The following RPL7A variants were observed in gnomAD, a reference collection of about 807,000 sequenced individuals.
RPL7A encodes the protein ribosomal protein L7a.
For synonymous variants in RPL7A, 158 were observed against 128.2 expected, an observed-to-expected ratio of 1.23 and a Z score of -1.57; for missense variants, 291 against 338.2, an observed-to-expected ratio of 0.86 and a Z score of 1.09.
At chr9:133,348,736 G>A (rs2129980402) in intron 1 of RPL7A, 186 bp from the exon 2 acceptor site, 1 of 892,870 alleles carries the variant, frequency 1.1e-6, no homozygotes. Flanking sequence ...GGGGCTGCAT[G>A]CTTGTGCGGC....
chr9:133,348,463 T>C, intron 1 of RPL7A: 1 of 659,102 alleles, frequency 1.5e-6, no homozygotes, highest in South Asian at 1.9e-5. Context: ...GAGAGCGGAA[T>C]GCGTTGTTCC....
In RPL7A at chr9:133,350,988, CT is replaced by C. The variant is rs2129997539; in HGVS notation, c.627-13del. The C allele has an allele frequency of 3.1e-5, 50 of 1,613,722 alleles. No individual in the cohort carries two copies. Among genetic ancestry groups the C allele is most frequent in the Non-Finnish European group, 4.1e-5 (48 of 1,179,840 alleles). On this transcript the variant is annotated splice_polypyrimidine_tract_variant and intron_variant, in intron 6 of 7. Transcript: ENST00000323345. ...GGCAAAAAACCCACTTTTGTTTCCC[CT>C]CCTGCCTTTTAGGGAAGACAAAGGC...
chr9:133,350,981 G>GT, intron 6 of RPL7A, 21 bp from the exon 7 acceptor site: 1 of 1,613,624 alleles, frequency 6.2e-7, no homozygotes, highest in South Asian at 1.1e-5. Context: ...ACCCACTTTT[G>GT]TTTCCCCTCC....
In RPL7A at chr9:133,351,321, G is replaced by C; in HGVS notation, c.756G>C (p.Lys252Asn). The change falls in exon 8 of 8, where the codon AAG (lysine) becomes AAC (asparagine). Residue 252 changes from lysine (K) to asparagine (N), a missense_variant. Lys to Asn is a moderately conservative substitution (Grantham distance 94). Transcript: ENST00000323345. ...CTAAGTCTGTGGCTCGTATCGCCAA[G>C]CTCGAAAAGGCAAAGGCTAAAGAAC... is the stretch of plus-strand genomic sequence containing the variant. ...LGPKSVARIAKLEKAKAKELA... is the reference protein window; with the variant it reads ...LGPKSVARIANLEKAKAKELA... The C allele has an allele frequency of 1.2e-6, 2 of 1,613,742 alleles. No individual in the cohort carries two copies. Among genetic ancestry groups the C allele is most frequent in the Non-Finnish European group, 1.7e-6 (2 of 1,179,888 alleles).
chr9:133,349,985 C>G lies in RPL7A; in HGVS notation c.348C>G (p.Ala116=). 1 of 1,612,448 alleles carries G rather than the reference C, an allele frequency of 6.2e-7. No individual in the cohort carries two copies. Among genetic ancestry groups the G allele is most frequent in the Non-Finnish European group, 8.5e-7 (1 of 1,180,026 alleles). Residue 116 remains alanine (A), a synonymous_variant, in exon 4 of 8, where the codon GCC becomes GCG. Transcript: ENST00000323345. ...AAGAGAAGAAGCAGAGACTGTTGGC[C>G]CGGGCCGAGAAGAAGGCTGCTGGCA... The part of the protein sequence containing the change: ...TKQEKKQRLL[A]RAEKKAAGKG...
In RPL7A at chr9:133,349,002, G is replaced by T; in HGVS notation, c.84G>T (p.Val28=). The T allele has an allele frequency of 1.2e-6, 2 of 1,614,036 alleles. No individual in the cohort carries two copies. Among genetic ancestry groups the T allele is most frequent in the Non-Finnish European group, 1.7e-6 (2 of 1,180,004 alleles). The change falls in exon 2 of 8, where the codon GTG becomes GTT. Residue 28 remains valine, a synonymous_variant. Coordinates refer to ENST00000323345, the MANE Select transcript of RPL7A (RefSeq NM_000972.3). ...AGAAGCAGGAGGCTAAGAAAGTGGT[G>T]AATCCCCTGTTTGAGAAAAGGCCTA... ...VVKKQEAKKV[V]NPLFEKRPKN...
In RPL7A at chr9:133,350,579, G is replaced by C. The variant is rs2129994849; in HGVS notation, c.496-18G>C. ...GCTTTTGGTCAAAATACAGTCTTCA[G>C]CTAATGCTTTCTTCCAGCTGGTTGT... On this transcript the variant is annotated intron_variant, in intron 5 of 7. Transcript: ENST00000323345. The C allele has an allele frequency of 4.6e-5, 74 of 1,614,052 alleles. 1 individual carries two copies. In the Admixed American group the frequency reaches 8.2e-4, roughly 18 times the overall value.
At chr9:133,350,443 A>G (rs1836360188) in intron 5 of RPL7A, 124 bp downstream of exon 5, 1 of 1,489,466 alleles carries the variant, frequency 6.7e-7, no homozygotes, top group South Asian at 1.1e-5. Flanking sequence ...CAGATCCAAC[A>G]CATGCGTGGC....
At position 133,349,589 on chromosome 9, in the gene RPL7A, G is replaced by C. The variant is rs1183248398; in HGVS notation, c.163G>C (p.Val55Leu). 4 of 1,613,950 alleles carry C rather than the reference G, an allele frequency of 2.5e-6. No homozygotes were observed. The highest frequency in any genetic ancestry group is 3.4e-6 in the Non-Finnish European group (4 of 1,179,992). The change falls in exon 3 of 8, where the codon GTG (valine) becomes CTG (leucine). Residue 55 changes from valine to leucine, a missense_variant. Val to Leu is a conservative substitution (Grantham distance 32, BLOSUM62 1). Coordinates refer to ENST00000323345, the MANE Select transcript of RPL7A (RefSeq NM_000972.3). ...GCCCAAAAGAGACCTCACCCGCTTTGTGAAATGGCCCCGCTATATCAGGTT... is the reference window on the plus strand; with the variant it reads ...GCCCAAAAGAGACCTCACCCGCTTTCTGAAATGGCCCCGCTATATCAGGTT... ...IQPKRDLTRF[V>L]KWPRYIRLQR...
At chr9:133,349,150 G>A in intron 2 of RPL7A, 108 bp downstream of exon 2, 1 of 1,339,818 alleles carries the variant, frequency 7.5e-7, no homozygotes, top group Non-Finnish European at 1.0e-6. Flanking sequence ...AGTGGTCGCA[G>A]TCCTTAATTT....
chr9:133,351,150 A>C, intron 7 of RPL7A, 79 bp downstream of exon 7: 1 of 1,552,170 alleles, frequency 6.4e-7, no homozygotes, highest in East Asian at 2.3e-5. Context: ...ACCTATGAGA[A>C]GTTCTATCTG....
chr9:133,350,424 G>A, intron 5 of RPL7A, 105 bp downstream of exon 5: 1 of 1,495,740 alleles, frequency 6.7e-7, no homozygotes, highest in Non-Finnish European at 9.3e-7. Flanking sequence ...GGTGAGGGCA[G>A]TACTGACACA....
Position 133,349,057 on chromosome 9 carries a change from G to A in RPL7A, c.124+15G>A. ...TTTTGGCATTGGTAAGTAACAAACGGCAGAATGAAAACGGTCTATGTTTTT... is the reference window on the plus strand; with the variant it reads ...TTTTGGCATTGGTAAGTAACAAACGACAGAATGAAAACGGTCTATGTTTTT... On this transcript the variant is annotated intron_variant, in intron 2 of 7. Coordinates refer to ENST00000323345, the MANE Select transcript of RPL7A (RefSeq NM_000972.3). 1 of 1,612,862 alleles carries A rather than the reference G, an allele frequency of 6.2e-7. No individual in the cohort carries two copies. The highest frequency in any genetic ancestry group is 2.2e-5 in the East Asian group (1 of 44,874).
Position 133,348,943 on chromosome 9 carries a change from G to A in RPL7A, c.25G>A (p.Gly9Arg). MPKGKKAK[G>R]KKVAPAPAVV... ...CCAGCCGAAAGGAAAGAAGGCCAAG[G>A]GAAAGAAGGTGGCTCCGGCCCCAGC... The change falls in exon 2 of 8, where the codon GGA becomes AGA. Residue 9 changes from glycine (G) to arginine (R), a missense_variant. By Grantham distance (125) the Gly-to-Arg change is moderately radical. Transcript: ENST00000323345. The A allele has an allele frequency of 6.2e-7, 1 of 1,613,990 alleles. No homozygotes were observed. Among genetic ancestry groups the A allele is most frequent in the Non-Finnish European group, 8.5e-7 (1 of 1,180,000 alleles).
chr9:133,350,849 C>T (rs2129996524), intron 6 of RPL7A, 122 bp downstream of exon 6: 3 of 1,540,298 alleles, frequency 1.9e-6, no homozygotes, highest in Non-Finnish European at 2.7e-6. Context: ...TGAACTTTTG[C>T]CAATGATGGT....
chr9:133,349,774 G>GAC (rs1564344183), intron 3 of RPL7A, 74 bp downstream of exon 3: 1 of 1,593,334 alleles, frequency 6.3e-7, no homozygotes, highest in African/African-American at 1.4e-5. Flanking sequence ...GAGGGGGATG[G>GAC]TCTTAGGCTT....
chr9:133,348,483 A>G (rs1357963609), intron 1 of RPL7A: 4 of 623,078 alleles, frequency 6.4e-6, no homozygotes, highest in Non-Finnish European at 1.1e-5. Flanking sequence ...CCGGTGTCGC[A>G]GGGCTGGGTG....
rs2129983087 is a variant in RPL7A, at chr9:133,349,056, G to C, written c.124+14G>C. 6.2e-7 allele frequency: 1 copy of C among 1,612,672 alleles called. No individual in the cohort carries two copies. On this transcript the variant is annotated intron_variant, in intron 2 of 7. Transcript: ENST00000323345. ...ATTTTGGCATTGGTAAGTAACAAACGGCAGAATGAAAACGGTCTATGTTTT... is the reference window on the plus strand; with the variant it reads ...ATTTTGGCATTGGTAAGTAACAAACCGCAGAATGAAAACGGTCTATGTTTT...
chr9:133,348,753 T>C (rs2129980568), intron 1 of RPL7A, 169 bp from the exon 2 acceptor site: 1 of 992,420 alleles, frequency 1.0e-6, no homozygotes, highest in South Asian at 1.3e-5. Context: ...CGGCTGAATG[T>C]GAGATGCTCC....
Sources: gnomAD v4.1 joint callset for allele counts on GRCh38, gnomAD v4.1.1 for gene constraint, MANE v1.5 for transcripts, NCBI Gene and HGNC (gene_info 2026-07-23, HGNC 2026-07-21) for gene names.